FAM3B: variants seen among roughly 807,000 people sequenced by gnomAD.
The protein encoded by FAM3B is FAM3 metabolism regulating signaling molecule B.
Under a neutral mutation model 28.4 loss-of-function variants are expected in FAM3B, and 29 were observed. The ratio of observed to expected loss-of-function variants is 1.02; its 90% confidence interval spans 0.76 to 1.39. The LOEUF (loss-of-function observed/expected upper bound fraction) is 1.39. Among genes scored for constraint, FAM3B ranks in the 40% most tolerant of loss-of-function variants. FAM3B has a pLI of 0.00. For synonymous variants in FAM3B, 91 were observed against 103.0 expected, an observed-to-expected ratio of 0.88 and a Z score of 0.71; for missense variants, 266 against 293.9, an observed-to-expected ratio of 0.91 and a Z score of 0.69.
chr21:41,356,934 A>G (rs1452483129), intron 7 of FAM3B, among the ~76,000 whole-genome samples, 174 bp from the exon 8 acceptor site: 1 of 152,198 alleles, frequency 6.6e-6, no homozygotes, highest in Non-Finnish European at 1.5e-5. Context: ...ATGTACATCT[A>G]TTATATATTA....
intron 1 of FAM3B, chr21:41,322,613 A>G: frequency 2.8e-6 from 2 of 717,560 alleles, no homozygotes; most frequent in Non-Finnish European, 5.2e-6. Context: ...GCTGGCTCAC[A>G]AGGTGCTTGA....
At chr21:41,344,977 A>G (rs2089042888) in intron 4 of FAM3B, among the ~76,000 whole-genome samples, 1 of 152,172 alleles carries the variant, frequency 6.6e-6, no homozygotes, top group Admixed American at 6.5e-5. Flanking sequence ...TTAGGTCTGG[A>G]ATAAAGCTCT....
chr21:41,352,502 A>G (rs1325198156), intron 7 of FAM3B, among the ~76,000 whole-genome samples: 1 of 152,148 alleles, frequency 6.6e-6, no homozygotes, highest in Non-Finnish European at 1.5e-5. Context: ...TTAGAAAGGA[A>G]GAAGTACTTA....
chr21:41,340,000 G>T (rs1266756831), intron 3 of FAM3B, among the ~76,000 whole-genome samples: 1 of 152,116 alleles, frequency 6.6e-6, no homozygotes, highest in Non-Finnish European at 1.5e-5. Flanking sequence ...TTCTCAGTTT[G>T]AGAATCAATA....
At position 41,344,545 on chromosome 21, in the gene FAM3B, A is replaced by T. The variant is rs779244357; in HGVS notation, c.346+11A>T. 1 of 1,612,210 alleles carries T rather than the reference A, an allele frequency of 6.2e-7. No homozygotes were observed. On this transcript the variant is annotated intron_variant, in intron 4 of 7. Transcript: ENST00000357985. ...TTGCCATTGTCAACTGTAAGTTACT[A>T]AACATTTTCTTTAAACTTCTCTAAA...
chr21:41,336,074 G>A (rs189035713), intron 2 of FAM3B, among the ~76,000 whole-genome samples: 15 of 152,258 alleles, frequency 9.9e-5, no homozygotes, highest in African/African-American at 3.6e-4. Context: ...TCTACGAATG[G>A]TATTAGCACC....
In FAM3B at chr21:41,322,950, TC is replaced by T; in HGVS notation, c.48del (p.Phe16LeufsTer94). On this transcript the variant is annotated frameshift_variant, in exon 2 of 8. Coordinates refer to ENST00000357985, the MANE Select transcript of FAM3B (RefSeq NM_058186.4). LOFTEE classifies it high-confidence loss of function. ...GGLLKVVFVV[F>X]ASLCAWYSGY... ...CTGCTCAAGGTGGTGTTCGTGGTCT[TC>T]GCCTCCTTGTGTGCCTGGTATTCGG... is the stretch of plus-strand genomic sequence containing the variant. 1 of 1,613,748 alleles carries T rather than the reference TC, an allele frequency of 6.2e-7. No homozygotes were observed. Among genetic ancestry groups the T allele is most frequent in the Non-Finnish European group, 8.5e-7 (1 of 1,180,026 alleles).
intron 2 of FAM3B, among the ~76,000 whole-genome samples, chr21:41,331,970 C>T (rs1330240359): frequency 2.0e-5 from 3 of 152,182 alleles, no homozygotes; most frequent in Non-Finnish European, 2.9e-5. Flanking sequence ...ATGGCAATTT[C>T]GTTTGGATAT....
Position 41,348,602 on chromosome 21 carries a change from G to A in FAM3B, c.496G>A (p.Asp166Asn), listed in dbSNP as rs539664797. 6.8e-6 allele frequency: 11 copies of A among 1,614,180 alleles called. No homozygotes were observed. The Middle Eastern group carries it at 4.9e-4, about 73-fold the overall frequency. Reference protein sequence around the residue: ...YDDGSTRLNNDAKNAIEALGS... With the variant: ...YDDGSTRLNNNAKNAIEALGS... ...CCCTTTGTCCTGCAGACTGAATAAC[G>A]ATGCCAAGAATGCCATAGAAGCACT... is the stretch of plus-strand genomic sequence containing the variant. Residue 166 changes from aspartate to asparagine, a missense_variant, in exon 7 of 8, where the codon GAT (aspartate) becomes AAT (asparagine). Asp to Asn is a conservative substitution (Grantham distance 23). Transcript: ENST00000357985.
In FAM3B at chr21:41,323,038, C is replaced by A. The variant is rs1448781888; in HGVS notation, c.135C>A (p.Arg45=). The A allele has an allele frequency of 6.2e-7, 1 of 1,607,560 alleles. No homozygotes were observed. Among genetic ancestry groups the A allele is most frequent in the South Asian group, 1.1e-5 (1 of 91,080 alleles). ...TGTCCAGTGCTGCCTATAGCATCCG[C>A]AGCATCGGGGAGAGGCCTGTCCTCA... ...APLSSAAYSI[R]SIGERPVLKA... The change falls in exon 2 of 8, where the codon CGC becomes CGA. Residue 45 remains arginine (R), a synonymous_variant. Coordinates refer to ENST00000357985, the MANE Select transcript of FAM3B (RefSeq NM_058186.4).
intron 7 of FAM3B, among the ~76,000 whole-genome samples, chr21:41,352,820 T>TAAATAAATAAATAAATAAATAAAC (rs61423023): frequency 1.2e-3 from 182 of 150,108 alleles, no homozygotes; most frequent in African/African-American, 4.3e-3. Context: ...AATAAATAAA[T>TAAATAAATAAATAAATAAATAAAC]AAATAAAGGA....
At chr21:41,321,324 G>A (rs917945297) in intron 1 of FAM3B, among the ~76,000 whole-genome samples, 2 of 152,348 alleles carry the variant, frequency 1.3e-5, no homozygotes, top group Middle Eastern at 3.4e-3. Context: ...CTGTGGCTGG[G>A]CTGTGTAGGG....
At chr21:41,339,270 G>A (rs902492338) in intron 3 of FAM3B, among the ~76,000 whole-genome samples, 5 of 152,050 alleles carry the variant, frequency 3.3e-5, no homozygotes, top group Non-Finnish European at 5.9e-5. Context: ...GTTTCTTCTT[G>A]AGTGGGCCCC....
chr21:41,329,684 C>A (rs1455253395), intron 2 of FAM3B, among the ~76,000 whole-genome samples: 1 of 152,108 alleles, frequency 6.6e-6, no homozygotes, highest in Non-Finnish European at 1.5e-5. Flanking sequence ...ATTCTCCTGC[C>A]TCAGCCTCCC....
chr21:41,341,801 A>C (rs2089009352), intron 3 of FAM3B, among the ~76,000 whole-genome samples: 2 of 152,218 alleles, frequency 1.3e-5, no homozygotes, highest in African/African-American at 2.4e-5. Context: ...CTTGGTGCAC[A>C]TGCACATACA....
intron 6 of FAM3B, 109 bp downstream of exon 6, chr21:41,347,209 G>A (rs1355368432): frequency 1.2e-6 from 1 of 861,690 alleles, no homozygotes; most frequent in Non-Finnish European, 2.0e-6. Context: ...AAGTCCAGGA[G>A]CAAAGTACTT....
At chr21:41,323,488 G>C (rs139122838) in intron 2 of FAM3B, among the ~76,000 whole-genome samples, 17 of 152,334 alleles carry the variant, frequency 1.1e-4, no homozygotes, top group African/African-American at 4.1e-4. Flanking sequence ...GTGAAAGAAA[G>C]GGCAGACATT....
At chr21:41,322,684 C>T (rs1175952256) in intron 1 of FAM3B, 1 of 722,732 alleles carries the variant, frequency 1.4e-6, no homozygotes, top group South Asian at 1.5e-5. Flanking sequence ...CCTAAACCAA[C>T]AGCAAATACA....
chr21:41,312,101 A>G (rs2088718001), upstream of FAM3B, among the ~76,000 whole-genome samples: 1 of 152,152 alleles, frequency 6.6e-6, no homozygotes, highest in Admixed American at 6.5e-5. Flanking sequence ...CTCCCACAAC[A>G]TGTGGGAATT....
Sources: allele counts gnomAD v4.1 joint callset (sites outside exome capture counted in the v4.1 genomes callset), GRCh38; gene constraint gnomAD v4.1.1; transcripts MANE v1.5; gene names NCBI Gene and HGNC (gene_info 2026-07-23, HGNC 2026-07-21).